The following TSHZ2 variants were observed in gnomAD, a reference collection of about 807,000 sequenced individuals.
TSHZ2 encodes teashirt zinc finger homeobox 2.
In TSHZ2, 21 loss-of-function variants were observed where a neutral mutation model predicts 74.4. The observed-to-expected ratio is 0.28, with a 90% CI of 0.20 to 0.41. The LOEUF is 0.41. Ranked by LOEUF, TSHZ2 falls within the 10% of genes least tolerant of loss-of-function variation. The probability of loss-of-function intolerance (pLI) is 1.00; values close to 1 mark genes in which losing one functional copy is unlikely to be tolerated. For missense variants in TSHZ2, 1,244 were observed against 1,293.5 expected, an observed-to-expected ratio of 0.96 and a Z score of 0.59; for synonymous variants, 540 against 515.3, an observed-to-expected ratio of 1.05 and a Z score of -0.65.
intron 1 of TSHZ2, among the ~76,000 whole-genome samples, chr20:52,999,285 T>A (rs1334346546): frequency 6.6e-6 from 1 of 152,164 alleles, no homozygotes; most frequent in Non-Finnish European, 1.5e-5. Flanking sequence ...GCAGCAGTAA[T>A]GAGTAAGATC....
intron 2 of TSHZ2, among the ~76,000 whole-genome samples, chr20:53,425,832 A>C (rs1434326512): frequency 1.3e-5 from 2 of 152,126 alleles, no homozygotes; most frequent in Non-Finnish European, 2.9e-5. Flanking sequence ...TAAAAATATA[A>C]ACATTATTCT....
At chr20:53,406,519 A>G (rs1982858940) in intron 2 of TSHZ2, among the ~76,000 whole-genome samples, 1 of 152,104 alleles carries the variant, frequency 6.6e-6, no homozygotes, top group Non-Finnish European at 1.5e-5. Flanking sequence ...CTGTGCCAGG[A>G]CACAGGTAGA....
At chr20:53,311,004 A>G (rs1978761604) in intron 2 of TSHZ2, among the ~76,000 whole-genome samples, 1 of 152,238 alleles carries the variant, frequency 6.6e-6, no homozygotes, top group Non-Finnish European at 1.5e-5. Flanking sequence ...GAAAATGAGT[A>G]TACCATTACA....
chr20:53,440,791 T>G (rs748990923), intron 2 of TSHZ2, among the ~76,000 whole-genome samples: 1 of 152,228 alleles, frequency 6.6e-6, no homozygotes, highest in Non-Finnish European at 1.5e-5. Context: ...AAACACTTTC[T>G]TAGCTCAAGA....
chr20:53,228,103 AACACACACACACACACAC>A (rs10561638), intron 1 of TSHZ2, among the ~76,000 whole-genome samples: 15 of 134,472 alleles, frequency 1.1e-4, no homozygotes, highest in Admixed American at 6.8e-4. Context: ...TGGCCCCCAA[AACACACACACACACACAC>A]ACACACACAC....
intron 1 of TSHZ2, among the ~76,000 whole-genome samples, chr20:53,183,853 G>A (rs190547433): frequency 1.3e-5 from 2 of 152,204 alleles, no homozygotes; most frequent in African/African-American, 4.8e-5. Flanking sequence ...AGGAAACAAA[G>A]GTGTGAGAGC....
At chr20:53,180,677 G>A (rs923609082) in intron 1 of TSHZ2, among the ~76,000 whole-genome samples, 14 of 151,954 alleles carry the variant, frequency 9.2e-5, no homozygotes, top group East Asian at 3.9e-4. Flanking sequence ...CACACCATTC[G>A]GGTGATAGGT....
chr20:53,050,113 A>ATATATACACACATATATATATGTG (rs1444674477), intron 1 of TSHZ2, among the ~76,000 whole-genome samples: 6 of 97,976 alleles, frequency 6.1e-5, no homozygotes, highest in Non-Finnish European at 8.8e-5. Flanking sequence ...GTATATATAT[A>ATATATACACACATATATATATGTG]TATATATATA....
intron 1 of TSHZ2, among the ~76,000 whole-genome samples, chr20:53,040,005 T>C (rs965939421): frequency 2.0e-5 from 3 of 150,480 alleles, no homozygotes; most frequent in Non-Finnish European, 3.0e-5. Context: ...ACTCGGGAGG[T>C]TGAGGCAGGA....
At chr20:53,155,321 A>T (rs1405300455) in intron 1 of TSHZ2, among the ~76,000 whole-genome samples, 1 of 152,068 alleles carries the variant, frequency 6.6e-6, no homozygotes, top group South Asian at 2.1e-4. Flanking sequence ...GAAACCAAGA[A>T]GGGATAGTTC....
intron 1 of TSHZ2, among the ~76,000 whole-genome samples, chr20:53,148,318 G>A (rs892048855): frequency 2.0e-5 from 3 of 152,124 alleles, no homozygotes; most frequent in African/African-American, 4.8e-5. Flanking sequence ...AACAACTAGG[G>A]TGGGGAAGCT....
chr20:53,015,001 G>A (rs1422341293), intron 1 of TSHZ2, among the ~76,000 whole-genome samples: 2 of 152,112 alleles, frequency 1.3e-5, no homozygotes, highest in African/African-American at 2.4e-5. Flanking sequence ...CACCTCTCCA[G>A]TGTGGAATAG....
chr20:53,435,596 C>A (rs576908771), intron 2 of TSHZ2, among the ~76,000 whole-genome samples: 1 of 152,342 alleles, frequency 6.6e-6, no homozygotes, highest in African/African-American at 2.4e-5. Flanking sequence ...TCACTGCAAC[C>A]TCTGCCTCCC....
intron 1 of TSHZ2, among the ~76,000 whole-genome samples, chr20:53,237,971 C>T (rs1052957135): frequency 5.9e-5 from 9 of 152,182 alleles, no homozygotes; most frequent in African/African-American, 1.4e-4. Context: ...TATAGACTTG[C>T]TCTATGAAAA....
chr20:53,146,437 A>G (rs1987542758), intron 1 of TSHZ2, among the ~76,000 whole-genome samples: 2 of 152,296 alleles, frequency 1.3e-5, no homozygotes, highest in South Asian at 4.1e-4. Flanking sequence ...GCACTTTGGC[A>G]CACACACTAT....
intron 1 of TSHZ2, among the ~76,000 whole-genome samples, chr20:52,986,411 A>AG (rs1466135372): frequency 2.0e-5 from 3 of 148,804 alleles, no homozygotes; most frequent in Admixed American, 6.7e-5. Context: ...CAAAAAAAAA[A>AG]AAAAAAAGAA....
At chr20:53,086,778 T>G (rs1985712585) in intron 1 of TSHZ2, among the ~76,000 whole-genome samples, 1 of 152,228 alleles carries the variant, frequency 6.6e-6, no homozygotes. Context: ...AAGGAGTGTC[T>G]GCATTTAAGA....
chr20:53,228,026 T>G (rs866817425), intron 1 of TSHZ2, among the ~76,000 whole-genome samples: 271 of 150,414 alleles, frequency 1.8e-3, no homozygotes, highest in African/African-American at 6.1e-3. Flanking sequence ...GGTGTTTTTT[T>G]TTTTTTTTTT....
At chr20:53,457,150 G>C (rs1985124334) in intron 2 of TSHZ2, among the ~76,000 whole-genome samples, 1 of 135,540 alleles carries the variant, frequency 7.4e-6, no homozygotes, top group Non-Finnish European at 1.6e-5. Flanking sequence ...ACCTTGGGCA[G>C]TATGGCCATT....
Sources: allele counts gnomAD v4.1 joint callset (sites outside exome capture counted in the v4.1 genomes callset), GRCh38; gene constraint gnomAD v4.1.1; transcripts MANE v1.5; gene names NCBI Gene and HGNC (gene_info 2026-07-23, HGNC 2026-07-21).